RNF4: variants seen among roughly 807,000 people sequenced by gnomAD.
The protein encoded by RNF4 is E3 ubiquitin-protein ligase RNF4.
In RNF4, 7 loss-of-function variants were observed where a neutral mutation model predicts 24.3. The observed-to-expected ratio is 0.29, with a 90% CI of 0.16 to 0.54. RNF4 has a LOEUF of 0.54. Ranked by LOEUF, RNF4 falls within the 20% of genes least tolerant of loss-of-function variation. The pLI, the probability that RNF4 is intolerant of heterozygous loss-of-function variation, is 0.95. For missense variants in RNF4, 209 were observed against 248.5 expected, an observed-to-expected ratio of 0.84 and a Z score of 1.07; for synonymous variants, 83 against 84.3, an observed-to-expected ratio of 0.98 and a Z score of 0.09.
intron 3 of RNF4, chr4:2,499,312 A>G (rs751213578): frequency 1.3e-5 from 6 of 450,718 alleles, no homozygotes; most frequent in Middle Eastern, 6.8e-4. Context: ...TGTTTTTGAG[A>G]TGGAGTTTTG....
At chr4:2,469,980 C>G (rs1183530102) in intron 1 of RNF4, 1 of 152,380 alleles carries the variant, frequency 6.6e-6, no homozygotes. Context: ...GTAAACACCG[C>G]TTTTCCGCCT....
chr4:2,505,583 C>T (rs1000750624), intron 4 of RNF4: 2 of 151,206 alleles, frequency 1.3e-5, no homozygotes, highest in Non-Finnish European at 3.0e-5. Flanking sequence ...CCTCGGCCTC[C>T]CAAAGTGCTG....
chr4:2,498,013 A>C (rs910424007), intron 3 of RNF4, among the ~76,000 whole-genome samples: 3 of 152,182 alleles, frequency 2.0e-5, no homozygotes, highest in Non-Finnish European at 4.4e-5. Flanking sequence ...GAAGTTCTCT[A>C]TATGGTCTCT....
chr4:2,477,334 C>G (rs1379447194), intron 1 of RNF4, among the ~76,000 whole-genome samples: 2 of 152,060 alleles, frequency 1.3e-5, no homozygotes, highest in East Asian at 3.9e-4. Context: ...TGCCTGTAAT[C>G]CCAGCACTTT....
At chr4:2,472,330 A>C (rs1734931977) in intron 1 of RNF4, among the ~76,000 whole-genome samples, 1 of 152,244 alleles carries the variant, frequency 6.6e-6, no homozygotes, top group African/African-American at 2.4e-5. Context: ...CTTTCAAAAT[A>C]TTACTGCTCA....
intron 1 of RNF4, among the ~76,000 whole-genome samples, chr4:2,483,971 C>T (rs112243545): frequency 0.096 from 14,342 of 148,776 alleles, 2,291 homozygotes; most frequent in African/African-American, 0.34. Context: ...GGATTACAGG[C>T]GCCCACCACC....
intron 1 of RNF4, among the ~76,000 whole-genome samples, chr4:2,489,231 G>A (rs1005433950): frequency 6.6e-6 from 1 of 152,202 alleles, no homozygotes; most frequent in Non-Finnish European, 1.5e-5. Flanking sequence ...AGGGAAAGTT[G>A]CTGCGGCAAA....
At chr4:2,475,939 CT>C (rs1280599016) in intron 1 of RNF4, among the ~76,000 whole-genome samples, 1 of 152,090 alleles carries the variant, frequency 6.6e-6, no homozygotes, top group East Asian at 1.9e-4. Flanking sequence ...ATGTCATCTG[CT>C]TTTTTTGTGT....
chr4:2,473,667 A>G (rs990182447), intron 1 of RNF4, among the ~76,000 whole-genome samples: 2 of 151,816 alleles, frequency 1.3e-5, no homozygotes, highest in Non-Finnish European at 2.9e-5. Context: ...AAAAATTAGC[A>G]GGGCGTGGTG....
intron 1 of RNF4, among the ~76,000 whole-genome samples, chr4:2,482,664 G>T (rs866021513): frequency 2.0e-5 from 3 of 152,200 alleles, no homozygotes; most frequent in Non-Finnish European, 4.4e-5. Flanking sequence ...CTTAATCGGG[G>T]CCATAAGATA....
Position 2,511,951 on chromosome 4 carries a change from A to G in RNF4, c.205-5A>G. ...CTCTTTTGTTTTTCTCCTTCTGTTTACAAGATTGTTGACGGTGAGTGGTTT... is the reference window on the plus strand; with the variant it reads ...CTCTTTTGTTTTTCTCCTTCTGTTTGCAAGATTGTTGACGGTGAGTGGTTT... On this transcript the variant is annotated splice_region_variant and splice_polypyrimidine_tract_variant and intron_variant, in intron 4 of 7. Coordinates refer to ENST00000314289, the MANE Select transcript of RNF4 (RefSeq NM_002938.5). 6.2e-7 allele frequency: 1 copy of G among 1,605,840 alleles called. No individual in the cohort carries two copies. The highest frequency in any genetic ancestry group is 8.5e-7 in the Non-Finnish European group (1 of 1,175,944).
In RNF4 at chr4:2,512,089, C is replaced by A; in HGVS notation, c.214+124C>A. ...TTGGAGCGCTCCAAGCAGGAAGATG[C>A]CTTCGCAGATGCTGTGGTCAGACCC... On this transcript the variant is annotated intron_variant, in intron 5 of 7. Transcript: ENST00000314289. This position sits in a 1 kb window ranked among gnomAD's most constrained non-coding sequence, Gnocchi z 4.1. 1.2e-6 allele frequency: 1 copy of A among 861,352 alleles called. No individual in the cohort carries two copies. The highest frequency in any genetic ancestry group is 1.8e-6 in the Non-Finnish European group (1 of 544,832). 53.4% of individuals were successfully genotyped at this position (861,352 alleles called of 1,614,324 possible). A position where few individuals can be genotyped will look rare whatever the true frequency, so the allele number is the denominator to read the frequency against.
At position 2,499,173 on chromosome 4, in the gene RNF4, G is replaced by A. The variant is rs375116646; in HGVS notation, c.125-1486G>A. ...GATCGTGCCACTGCACTCCTGCCTG[G>A]ACGACAGAGCGAGACTCTGTCTCAA... On this transcript the variant is annotated intron_variant, in intron 3 of 7. Coordinates refer to ENST00000314289, the MANE Select transcript of RNF4 (RefSeq NM_002938.5). Among the ~76,000 whole-genome samples the A allele has an allele frequency of 6.9e-4, 105 of 152,236 alleles. 1 individual carries two copies. The South Asian group carries it at 0.022, about 32-fold the overall frequency.
intron 3 of RNF4, among the ~76,000 whole-genome samples, chr4:2,497,675 C>A (rs1387058436): frequency 6.6e-6 from 1 of 152,174 alleles, no homozygotes; most frequent in Non-Finnish European, 1.5e-5. Context: ...TGCTCTGTCG[C>A]CCAAGCTAGA....
At chr4:2,476,196 CA>C (rs1202680078) in intron 1 of RNF4, among the ~76,000 whole-genome samples, 2 of 152,162 alleles carry the variant, frequency 1.3e-5, no homozygotes, top group Non-Finnish European at 2.9e-5. Flanking sequence ...TTACTTTAGC[CA>C]AACTACTGCT....
chr4:2,485,234 G>T (rs951451029), intron 1 of RNF4, among the ~76,000 whole-genome samples: 1 of 152,154 alleles, frequency 6.6e-6, no homozygotes, highest in African/African-American at 2.4e-5. Context: ...CCGTGTTTGA[G>T]CTCACTGGCC....
At chr4:2,495,642 G>GC (rs1553878670) in intron 2 of RNF4, among the ~76,000 whole-genome samples, 2 of 148,576 alleles carry the variant, frequency 1.3e-5, no homozygotes, top group African/African-American at 2.5e-5. Context: ...TTTTTTTTGG[G>GC]GGGGGGTGAG....
In RNF4 at chr4:2,470,962, CTTT is replaced by C. The variant is rs35616649; in HGVS notation, c.-158+1723_-158+1725del. ...TTTGGGTAATTCACAATATTTCACA[CTTT>C]TTTTTTTTTTTTTTTTTTGAGGTGG... On this transcript the variant is annotated intron_variant, in intron 1 of 7. Coordinates refer to ENST00000314289, the MANE Select transcript of RNF4 (RefSeq NM_002938.5). 447 of 83,868 alleles carry C rather than the reference CTTT, an allele frequency of 5.3e-3. 1 individual carries two copies. The highest frequency in any genetic ancestry group is 0.016 in the African/African-American group (342 of 20,926). 5.2% of individuals were successfully genotyped at this position (83,868 alleles called of 1,614,324 possible).
chr4:2,476,319 C>G (rs112769602), intron 1 of RNF4, among the ~76,000 whole-genome samples: 84 of 152,322 alleles, frequency 5.5e-4, no homozygotes, highest in Non-Finnish European at 1.1e-3. Context: ...CCTACTCTTG[C>G]AAGTTGAAAA....
Sources: gnomAD v4.1 joint callset for allele counts (sites outside exome capture counted in the v4.1 genomes callset) on GRCh38, gnomAD v4.1.1 for gene constraint, Gnocchi (gnomAD v3.1) non-coding constraint, MANE v1.5 for transcripts, NCBI Gene and HGNC (gene_info 2026-07-23, HGNC 2026-07-21) for gene names.